The following ZNF616 variants were observed in gnomAD, a reference collection of about 807,000 sequenced individuals.
ZNF616 encodes the protein zinc finger protein 616.
In ZNF616, 5 loss-of-function variants were observed where a neutral mutation model predicts 7.6. That is an observed-to-expected ratio of 0.66 (90% CI 0.34 to 1.38). The LOEUF (loss-of-function observed/expected upper bound fraction) is 1.38, where lower values mean the gene tolerates loss of function less well. Ranked by LOEUF, ZNF616 falls within the 40% of genes most tolerant of loss-of-function variation. ZNF616 has a pLI of 0.04. For missense variants in ZNF616, 913 were observed against 948.3 expected (o/e 0.96, Z 0.49); for synonymous variants, 319 against 317.2 (o/e 1.01, Z -0.06).
At chr19:52,135,596 T>G (rs1359877770) in intron 1 of ZNF616, among the ~76,000 whole-genome samples, 1 of 152,148 alleles carries the variant, frequency 6.6e-6, no homozygotes, top group Non-Finnish European at 1.5e-5. Context: ...TCAGGACCAA[T>G]GCACCACCAC....
intron 3 of ZNF616, 40 bp from the exon 4 acceptor site, chr19:52,117,064 T>C: frequency 6.7e-7 from 1 of 1,489,760 alleles, no homozygotes. Context: ...TTTAAACTAC[T>C]ACTATTGATA....
At chr19:52,137,074 T>TATATAC (rs1491194803) in intron 1 of ZNF616, among the ~76,000 whole-genome samples, 1 of 142,796 alleles carries the variant, frequency 7.0e-6, no homozygotes, top group South Asian at 2.2e-4. Context: ...TATATATATA[T>TATATAC]ACAGAGTGTG....
chr19:52,128,605 G>C (rs557428959), intron 2 of ZNF616, among the ~76,000 whole-genome samples: 1 of 151,924 alleles, frequency 6.6e-6, no homozygotes, highest in Non-Finnish European at 1.5e-5. Context: ...AGCCAGGCAC[G>C]GTGGTGCATG....
At chr19:52,132,872 A>G (rs2088972625) in intron 1 of ZNF616, among the ~76,000 whole-genome samples, 1 of 152,222 alleles carries the variant, frequency 6.6e-6, no homozygotes, top group Non-Finnish European at 1.5e-5. Flanking sequence ...GAGGAAAGAC[A>G]GTAGGTGTGG....
Position 52,115,352 on chromosome 19 carries a change from T to G in ZNF616, c.1812A>C (p.Pro604=). 4 of 1,613,988 alleles carry G rather than the reference T, an allele frequency of 2.5e-6. No homozygotes were observed. The highest frequency in any genetic ancestry group is 3.4e-6 in the Non-Finnish European group (4 of 1,179,992). ...GHRRVHTGEK[P]YKCHECGKAF... ...CTTTGCCACATTCATGACATTTGTATGGTTTCTCTCCAGTATGAACTCTTC... is the reference window on the plus strand; with the variant it reads ...CTTTGCCACATTCATGACATTTGTAGGGTTTCTCTCCAGTATGAACTCTTC... Residue 604 remains proline (P), a synonymous_variant, in exon 4 of 4, where the codon CCA becomes CCC. Coordinates refer to ENST00000600228, the MANE Select transcript of ZNF616 (RefSeq NM_178523.5).
At chr19:52,127,652 T>C (rs923685601) in intron 2 of ZNF616, among the ~76,000 whole-genome samples, 1 of 152,202 alleles carries the variant, frequency 6.6e-6, no homozygotes, top group African/African-American at 2.4e-5. Flanking sequence ...TTTGCTTTTG[T>C]GGTATAGCGT....
intron 1 of ZNF616, among the ~76,000 whole-genome samples, chr19:52,132,056 T>C (rs2088965086): frequency 6.6e-6 from 1 of 152,186 alleles, no homozygotes; most frequent in Non-Finnish European, 1.5e-5. Flanking sequence ...TCAAACATTT[T>C]TCTCCCACAG....
chr19:52,114,692 T>A lies in ZNF616; in HGVS notation c.*126A>T. ...AATCCACTTCCATGATTCAATCACC[T>A]CCCAATGGGCCCCACCTCCAATACT... On this transcript the variant is annotated 3_prime_UTR_variant, in exon 4 of 4. Coordinates refer to ENST00000600228, the MANE Select transcript of ZNF616 (RefSeq NM_178523.5). The A allele has an allele frequency of 8.7e-7, 1 of 1,144,096 alleles. No individual in the cohort carries two copies. 70.9% of individuals were successfully genotyped at this position (1,144,096 alleles called of 1,614,324 possible).
intron 2 of ZNF616, among the ~76,000 whole-genome samples, chr19:52,128,741 CAA>C (rs201369673): frequency 2.6e-4 from 18 of 70,404 alleles, no homozygotes; most frequent in Admixed American, 4.6e-4. Flanking sequence ...AACTCCGTCT[CAA>C]AAAAAAAAAA....
intron 2 of ZNF616, among the ~76,000 whole-genome samples, chr19:52,129,989 G>T (rs1467700637): frequency 6.6e-6 from 1 of 152,004 alleles, no homozygotes; most frequent in African/African-American, 2.4e-5. Context: ...CACCATGTTG[G>T]CTCAAACTCC....
chr19:52,118,202 C>A (rs2088841264), intron 3 of ZNF616, among the ~76,000 whole-genome samples: 1 of 152,122 alleles, frequency 6.6e-6, no homozygotes, highest in Non-Finnish European at 1.5e-5. Flanking sequence ...GCTGCAGCCT[C>A]CCAAAGTGCC....
chr19:52,113,175 C>T lies in ZNF616; in HGVS notation c.*1643G>A, dbSNP rs2088786268. 6.6e-6 allele frequency: 1 copy of T among 152,176 alleles called. No homozygotes were observed. The highest frequency in any genetic ancestry group is 1.5e-5 in the Non-Finnish European group (1 of 68,026). 9.4% of individuals were successfully genotyped at this position (152,176 alleles called of 1,614,324 possible). A position where few individuals can be genotyped will look rare whatever the true frequency, so the allele number is the denominator to read the frequency against. On this transcript the variant is annotated 3_prime_UTR_variant, in exon 4 of 4. Coordinates refer to ENST00000600228, the MANE Select transcript of ZNF616 (RefSeq NM_178523.5). Reference sequence around the variant, plus strand: ...AAATACATACTGTCCTGAGTTTTAACAAATGTTGTCTGGTAGTTATTCTGT... The same window carrying T: ...AAATACATACTGTCCTGAGTTTTAATAAATGTTGTCTGGTAGTTATTCTGT...
chr19:52,127,157 G>A (rs182378323), intron 2 of ZNF616, among the ~76,000 whole-genome samples: 1 of 152,118 alleles, frequency 6.6e-6, no homozygotes, highest in Non-Finnish European at 1.5e-5. Context: ...CAAGTTCAAG[G>A]GATTCTCCTG....
chr19:52,120,126 G>C (rs997574497), intron 3 of ZNF616, among the ~76,000 whole-genome samples: 4 of 152,136 alleles, frequency 2.6e-5, no homozygotes, highest in African/African-American at 9.7e-5. Context: ...TTGTTGTCAA[G>C]GTTTAAATAC....
chr19:52,132,564 T>C (rs1000569739), intron 1 of ZNF616, among the ~76,000 whole-genome samples: 3 of 152,122 alleles, frequency 2.0e-5, no homozygotes, highest in African/African-American at 7.2e-5. Flanking sequence ...CTGTTCTTTA[T>C]CACAGTGAGT....
At chr19:52,132,020 C>A (rs541615794) in intron 1 of ZNF616, among the ~76,000 whole-genome samples, 25 of 152,248 alleles carry the variant, frequency 1.6e-4, no homozygotes, top group African/African-American at 6.0e-4. Flanking sequence ...GGTCCCGAGG[C>A]AGCAGATCAG....
intron 2 of ZNF616, among the ~76,000 whole-genome samples, chr19:52,129,228 G>A (rs546233228): frequency 1.7e-4 from 26 of 152,198 alleles, no homozygotes; most frequent in African/African-American, 5.3e-4. Context: ...GCAGTGAGTC[G>A]AGATCACGCC....
chr19:52,132,437 C>A (rs558068736), intron 1 of ZNF616, among the ~76,000 whole-genome samples: 103 of 152,144 alleles, frequency 6.8e-4, no homozygotes, highest in Non-Finnish European at 1.4e-3. Flanking sequence ...GCTCTGTGTC[C>A]CTGGCCCAAA....
In ZNF616 at chr19:52,115,730, T is replaced by C; in HGVS notation, c.1434A>G (p.Ser478=). 2 of 1,614,172 alleles carry C rather than the reference T, an allele frequency of 1.2e-6. No homozygotes were observed. The highest frequency in any genetic ancestry group is 1.7e-6 in the Non-Finnish European group (2 of 1,180,020). Residue 478 remains serine (S), a synonymous_variant, in exon 4 of 4, where the codon TCA becomes TCG. Coordinates refer to ENST00000600228, the MANE Select transcript of ZNF616 (RefSeq NM_178523.5). Reference sequence around the variant, plus strand: ...GAATTCTCTGATGAGCTGCAAGTCGTGAATGTATGCTGAAAACTTTGCCAC... The same window carrying C: ...GAATTCTCTGATGAGCTGCAAGTCGCGAATGTATGCTGAAAACTTTGCCAC... ...NECGKVFSIH[S]RLAAHQRIHT...
Sources: allele counts gnomAD v4.1 joint callset (sites outside exome capture counted in the v4.1 genomes callset), GRCh38; gene constraint gnomAD v4.1.1; transcripts MANE v1.5; gene names NCBI Gene and HGNC (gene_info 2026-07-23, HGNC 2026-07-21).